Variants in FAM168B observed in about 807,000 individuals in gnomAD.
FAM168B encodes the protein family with sequence similarity 168 member B.
FAM168B carries 19 observed loss-of-function variants against 21.8 expected under a neutral mutation model. The observed-to-expected ratio is 0.87, with a 90% CI of 0.61 to 1.28. FAM168B has a LOEUF of 1.28. FAM168B is among the 50% of genes most tolerant of loss of function. The pLI is 0.00. For missense variants in FAM168B, 233 were observed against 263.1 expected (o/e 0.89, Z 0.79); for synonymous variants, 126 against 104.8 (o/e 1.20, Z -1.24).
chr2:131,049,473 A>C lies in FAM168B; in HGVS notation c.*2992T>G. ...AGGTTCTGGAAGTGCCTTCAGGCCC[A>C]TTACCATGACTGGCCCTGACTCTGG... On this transcript the variant is annotated 3_prime_UTR_variant, in exon 7 of 7. Coordinates refer to ENST00000389915, the MANE Select transcript of FAM168B (RefSeq NM_001009993.4). 1 of 985,426 alleles carries C rather than the reference A, an allele frequency of 1.0e-6. No homozygotes were observed. The highest frequency in any genetic ancestry group is 1.2e-6 in the Non-Finnish European group (1 of 829,934). The allele number at this position is 985,426 out of a possible 1,614,324, so 61.0% of individuals were successfully genotyped here. A position where few individuals can be genotyped will look rare whatever the true frequency, so the allele number is the denominator to read the frequency against.
chr2:131,093,130 C>A (rs1443397221), intron 1 of FAM168B, 84 bp downstream of exon 1: 1 of 150,500 alleles, frequency 6.6e-6, no homozygotes, highest in South Asian at 2.1e-4. Context: ...CGCGGGCCGA[C>A]CTTGGCGCCG....
chr2:131,080,333 T>C (rs1034049870), intron 2 of FAM168B, among the ~76,000 whole-genome samples: 11 of 150,684 alleles, frequency 7.3e-5, no homozygotes, highest in African/African-American at 2.4e-4. Flanking sequence ...GTGACACAAG[T>C]AATATCTTAA....
intron 3 of FAM168B, among the ~76,000 whole-genome samples, chr2:131,069,791 C>T (rs368243168): frequency 5.5e-4 from 83 of 151,804 alleles, no homozygotes; most frequent in African/African-American, 1.9e-3. Context: ...CTGCGCCCAG[C>T]CAAGTTACAC....
At chr2:131,056,493 C>A (rs763633214) in intron 3 of FAM168B, among the ~76,000 whole-genome samples, 1 of 152,094 alleles carries the variant, frequency 6.6e-6, no homozygotes, top group Non-Finnish European at 1.5e-5. Flanking sequence ...ACCAACCCGT[C>A]TCCAGAAGCA....
chr2:131,057,231 A>G (rs1692072258), intron 3 of FAM168B, among the ~76,000 whole-genome samples: 1 of 152,252 alleles, frequency 6.6e-6, no homozygotes, highest in Non-Finnish European at 1.5e-5. Context: ...AAAGACTTGT[A>G]AAAAGTGTTC....
intron 2 of FAM168B, among the ~76,000 whole-genome samples, chr2:131,081,672 C>T (rs1049455094): frequency 6.6e-6 from 1 of 152,154 alleles, no homozygotes; most frequent in Non-Finnish European, 1.5e-5. Context: ...AAGTCTCACT[C>T]TCATTCCCTG....
At chr2:131,056,256 A>G (rs1692015481) in intron 3 of FAM168B, among the ~76,000 whole-genome samples, 1 of 152,236 alleles carries the variant, frequency 6.6e-6, no homozygotes, top group African/African-American at 2.4e-5. Flanking sequence ...CTGAACACAC[A>G]TACTTGCTTT....
At chr2:131,064,235 A>AC (rs2105494095) in intron 3 of FAM168B, among the ~76,000 whole-genome samples, 2 of 149,348 alleles carry the variant, frequency 1.3e-5, no homozygotes, top group South Asian at 4.3e-4. Flanking sequence ...TAAATAGGTC[A>AC]TTTTTTTTTT....
At chr2:131,080,693 A>G (rs1693388881) in intron 2 of FAM168B, among the ~76,000 whole-genome samples, 1 of 149,660 alleles carries the variant, frequency 6.7e-6, no homozygotes, top group Non-Finnish European at 1.5e-5. Context: ...TTTTTGAGAC[A>G]GAGTCTTGCT....
chr2:131,048,922 A>G lies in FAM168B; in HGVS notation c.*3543T>C. The G allele has an allele frequency of 1.0e-6, 1 of 985,958 alleles. No homozygotes were observed. The highest frequency in any genetic ancestry group is 1.2e-6 in the Non-Finnish European group (1 of 830,046). 61.1% of individuals were successfully genotyped at this position (985,958 alleles called of 1,614,324 possible). A position where few individuals can be genotyped will look rare whatever the true frequency, so the allele number is the denominator to read the frequency against. On this transcript the variant is annotated 3_prime_UTR_variant, in exon 7 of 7. Coordinates refer to ENST00000389915, the MANE Select transcript of FAM168B (RefSeq NM_001009993.4). ...AAACTGGCGACAATGGACACATCCA[A>G]CAGTCAGCTGTCGGATAAGGTGAAG...
At chr2:131,055,763 AG>A in intron 3 of FAM168B, 68 bp from the exon 4 acceptor site, 1 of 1,565,412 alleles carries the variant, frequency 6.4e-7, no homozygotes. Context: ...GGACACAGGC[AG>A]GGAGGAGCTA....
At chr2:131,057,672 G>A (rs755166196) in intron 3 of FAM168B, among the ~76,000 whole-genome samples, 8 of 152,132 alleles carry the variant, frequency 5.3e-5, no homozygotes, top group Non-Finnish European at 7.4e-5. Flanking sequence ...CACCTGAGCC[G>A]GAGGTCAACG....
rs1371918190 is a variant in FAM168B at position 131,051,929 on chromosome 2, C to T, written c.*536G>A. 5 of 985,382 alleles carry T rather than the reference C, an allele frequency of 5.1e-6. No individual in the cohort carries two copies. The highest frequency in any genetic ancestry group is 1.7e-5 in the African/African-American group (1 of 57,250). 61.0% of individuals were successfully genotyped at this position (985,382 alleles called of 1,614,324 possible). A position where few individuals can be genotyped will look rare whatever the true frequency, so the allele number is the denominator to read the frequency against. On this transcript the variant is annotated 3_prime_UTR_variant, in exon 7 of 7. Transcript: ENST00000389915. The stretch of plus-strand genomic sequence containing the variant: ...AGGTCGCTGAAAACTAAAATGTCCA[C>T]ATCCCTAACTGGCAACCCACATCAA...
At chr2:131,066,737 C>G (rs1361656902) in intron 3 of FAM168B, among the ~76,000 whole-genome samples, 1 of 152,146 alleles carries the variant, frequency 6.6e-6, no homozygotes, top group East Asian at 1.9e-4. Context: ...TATTCCAATG[C>G]CAAGGGTGAA....
chr2:131,062,879 C>T (rs1160288750), intron 3 of FAM168B, among the ~76,000 whole-genome samples: 2 of 152,332 alleles, frequency 1.3e-5, no homozygotes, highest in Non-Finnish European at 2.9e-5. Context: ...GCATTTCACA[C>T]ATGCACATTT....
intron 3 of FAM168B, among the ~76,000 whole-genome samples, chr2:131,056,848 AG>A (rs1265463431): frequency 6.8e-6 from 1 of 147,974 alleles, no homozygotes; most frequent in South Asian, 2.1e-4. Context: ...ATGTACTGAC[AG>A]AAGCTCTAGG....
In FAM168B at chr2:131,048,849, A is replaced by G; in HGVS notation, c.*3616T>C. On this transcript the variant is annotated 3_prime_UTR_variant, in exon 7 of 7. Transcript: ENST00000389915. ...ACCCACCTCAAGCCACACCCCTGCC[A>G]CCTGCTGCTGCGCCCAATGGAGGTC... 1 of 986,308 alleles carries G rather than the reference A, an allele frequency of 1.0e-6. No homozygotes were observed. Among genetic ancestry groups the G allele is most frequent in the Non-Finnish European group, 1.2e-6 (1 of 830,240 alleles). The allele number at this position is 986,308 out of a possible 1,614,324, so 61.1% of individuals were successfully genotyped here. A position where few individuals can be genotyped will look rare whatever the true frequency, so the allele number is the denominator to read the frequency against.
At position 131,052,467 on chromosome 2, in the gene FAM168B, A is replaced by C. The variant is rs1691736069; in HGVS notation, c.*13-15T>G. The C allele has an allele frequency of 3.0e-6, 3 of 999,310 alleles. No homozygotes were observed. The highest frequency in any genetic ancestry group is 3.6e-6 in the Non-Finnish European group (3 of 837,718). The allele number at this position is 999,310 out of a possible 1,614,324, so 61.9% of individuals were successfully genotyped here. The stretch of plus-strand genomic sequence containing the variant: ...CGTCCTCAAACCTGCAGAAAGGAAG[A>C]CAGACACTCAGTCACACAGAGCTCT... On this transcript the variant is annotated splice_polypyrimidine_tract_variant and intron_variant, in intron 6 of 6. Coordinates refer to ENST00000389915, the MANE Select transcript of FAM168B (RefSeq NM_001009993.4).
Position 131,074,246 on chromosome 2 carries a change from A to G in FAM168B, c.71-2308T>C, listed in dbSNP as rs148480922. ...CTGGTTCAAGCGATTCTCCTGCCTCATCCTCCCAAGTAGCTGGGATTTCGG... is the reference window on the plus strand; with the variant it reads ...CTGGTTCAAGCGATTCTCCTGCCTCGTCCTCCCAAGTAGCTGGGATTTCGG... On this transcript the variant is annotated intron_variant, in intron 2 of 6. Transcript: ENST00000389915. Among the ~76,000 whole-genome samples the G allele has an allele frequency of 3.4e-3, 511 of 152,074 alleles. 1 individual carries two copies. The highest frequency in any genetic ancestry group is 0.012 in the African/African-American group (481 of 41,456).
Sources: gnomAD v4.1 joint callset for allele counts (sites outside exome capture counted in the v4.1 genomes callset) on GRCh38, gnomAD v4.1.1 for gene constraint, MANE v1.5 for transcripts, NCBI Gene and HGNC (gene_info 2026-07-23, HGNC 2026-07-21) for gene names.